Variants in NPHP4 observed in about 807,000 individuals in gnomAD.
The protein encoded by NPHP4 is nephrocystin-4.
Under a neutral mutation model 155.8 loss-of-function variants are expected in NPHP4, and 151 were observed. The ratio of observed to expected loss-of-function variants is 0.97; its 90% CI spans 0.85 to 1.11. The LOEUF (loss-of-function observed/expected upper bound fraction) is 1.11. NPHP4 is among the 50% of genes least tolerant of loss of function. NPHP4 has a pLI of 0.00. For synonymous variants in NPHP4, 845 were observed against 816.8 expected (o/e 1.03, Z -0.59); for missense variants, 1,956 against 1,925.7 (o/e 1.02, Z -0.29).
intron 2 of NPHP4, among the ~76,000 whole-genome samples, chr1:5,978,733 C>T (rs1295861092): frequency 6.6e-6 from 1 of 152,170 alleles, no homozygotes; most frequent in Non-Finnish European, 1.5e-5. Flanking sequence ...CCAGGGCTCC[C>T]AGCAGCCAAC....
At chr1:5,934,480 G>A (rs1341345892) in intron 9 of NPHP4, among the ~76,000 whole-genome samples, 1 of 152,094 alleles carries the variant, frequency 6.6e-6, no homozygotes, top group East Asian at 1.9e-4. Context: ...AGCAGGAGGT[G>A]GTGACTGGAC....
intron 11 of NPHP4, among the ~76,000 whole-genome samples, chr1:5,925,694 C>A (rs943899819): frequency 2.0e-5 from 3 of 152,126 alleles, no homozygotes; most frequent in African/African-American, 7.2e-5. Context: ...CGGCTCACTG[C>A]AAGCTCTGCC....
intron 18 of NPHP4, among the ~76,000 whole-genome samples, chr1:5,883,214 C>A (rs1172380498): frequency 6.6e-6 from 1 of 152,214 alleles, no homozygotes; most frequent in Non-Finnish European, 1.5e-5. Flanking sequence ...ACCAGCCCAG[C>A]CTGCCTGTGC....
chr1:5,978,252 A>T lies in NPHP4; in HGVS notation c.279+18T>A. 6.3e-7 allele frequency: 1 copy of T among 1,598,180 alleles called. No individual in the cohort carries two copies. ...CCTCCGCCTTGGAGCAGCCCCTGCC[A>T]CCATCACCAGGGCCCACCTCATTAA... is the stretch of plus-strand genomic sequence containing the variant. On this transcript the variant is annotated intron_variant, in intron 3 of 29. Coordinates refer to ENST00000378156, the MANE Select transcript of NPHP4 (RefSeq NM_015102.5).
intron 16 of NPHP4, among the ~76,000 whole-genome samples, chr1:5,893,091 C>T (rs538281851): frequency 6.6e-6 from 1 of 152,208 alleles, no homozygotes; most frequent in Admixed American, 6.5e-5. Flanking sequence ...AACGCAGCAC[C>T]CCAGTGACAG....
In NPHP4 at chr1:5,863,935, G is replaced by T. The variant is rs763599698; in HGVS notation, c.4095C>A (p.His1365Gln). ...PYPSRRTFHLHSDHPELLRFR... is the reference protein window; with the variant it reads ...PYPSRRTFHLQSDHPELLRFR... ...ACCGCAGCAGCTCCGGGTGGTCGCT[G>T]TGCAGGTGGAATGTCCTCCGGGAGG... is the stretch of plus-strand genomic sequence containing the variant. The change falls in exon 29 of 30, where the codon CAC becomes CAA. Residue 1365 changes from histidine to glutamine, a missense_variant. By Grantham distance (24) the His-to-Gln change is conservative (BLOSUM62 0). Transcript: ENST00000378156. The T allele has an allele frequency of 1.2e-6, 2 of 1,613,906 alleles. No homozygotes were observed. Among genetic ancestry groups the T allele is most frequent in the Non-Finnish European group, 1.7e-6 (2 of 1,179,844 alleles).
chr1:5,864,731 C>T (rs1047465475), intron 27 of NPHP4: 9 of 548,048 alleles, frequency 1.6e-5, no homozygotes, highest in Non-Finnish European at 2.6e-5. Flanking sequence ...GCGACTATTC[C>T]CTAAGCGCTG....
At chr1:5,878,781 T>C (rs920338201) in intron 19 of NPHP4, among the ~76,000 whole-genome samples, 1 of 151,740 alleles carries the variant, frequency 6.6e-6, no homozygotes, top group African/African-American at 2.4e-5. Context: ...GGAGGCAGGG[T>C]TTTATCAATA....
At chr1:5,879,585 G>C (rs537046644) in intron 19 of NPHP4, 5 of 518,988 alleles carry the variant, frequency 9.6e-6, no homozygotes, top group African/African-American at 3.8e-5. Flanking sequence ...AATGCCACTG[G>C]CAGGGTTCCC....
intron 6 of NPHP4, among the ~76,000 whole-genome samples, chr1:5,960,460 C>T (rs1167148341): frequency 1.3e-5 from 2 of 152,140 alleles, no homozygotes; most frequent in Admixed American, 1.3e-4. Context: ...TGCGCCGGAG[C>T]CGAGCTGCAT....
intron 10 of NPHP4, 142 bp downstream of exon 10, chr1:5,933,005 T>C (rs1646355156): frequency 1.6e-6 from 1 of 620,810 alleles, no homozygotes; most frequent in African/African-American, 1.8e-5. Context: ...ATCATACTAA[T>C]CTTTCTAAAG....
chr1:5,907,717 G>A (rs567930635), intron 12 of NPHP4, among the ~76,000 whole-genome samples: 5 of 152,168 alleles, frequency 3.3e-5, no homozygotes, highest in Admixed American at 1.3e-4. Context: ...TGGAGTGCCC[G>A]CACCAATGTG....
chr1:5,987,191 G>A (rs891697455), intron 1 of NPHP4, among the ~76,000 whole-genome samples: 12 of 152,220 alleles, frequency 7.9e-5, no homozygotes, highest in Admixed American at 3.3e-4. Flanking sequence ...GTCTTGGCCC[G>A]TTTTGAGTGT....
At chr1:5,975,611 A>G (rs1653413407) in intron 3 of NPHP4, among the ~76,000 whole-genome samples, 1 of 152,226 alleles carries the variant, frequency 6.6e-6, no homozygotes, top group African/African-American at 2.4e-5. Flanking sequence ...AGGCTGAGCC[A>G]CGTGGCTCCC....
intron 6 of NPHP4, among the ~76,000 whole-genome samples, chr1:5,958,546 T>G (rs1250903221): frequency 6.6e-6 from 1 of 151,922 alleles, no homozygotes; most frequent in African/African-American, 2.4e-5. Context: ...AATACAAAAA[T>G]TAGCTGGGCA....
At chr1:5,913,151 C>CAA (rs34163161) in intron 11 of NPHP4, among the ~76,000 whole-genome samples, 18 of 81,776 alleles carry the variant, frequency 2.2e-4, no homozygotes, top group African/African-American at 4.3e-4. Context: ...GACTCCATCT[C>CAA]AAAAAAAAAA....
At position 5,877,135 on chromosome 1, in the gene NPHP4, C is replaced by G; in HGVS notation, c.2775G>C (p.Gln925His). 1.3e-6 allele frequency: 2 copies of G among 1,590,942 alleles called. No individual in the cohort carries two copies. Among genetic ancestry groups the G allele is most frequent in the Non-Finnish European group, 1.7e-6 (2 of 1,162,262 alleles). The change falls in exon 20 of 30, where the codon CAG becomes CAC. Residue 925 changes from glutamine to histidine, a missense_variant. Gln to His is a conservative substitution (Grantham distance 24). Coordinates refer to ENST00000378156, the MANE Select transcript of NPHP4 (RefSeq NM_015102.5). Reference sequence around the variant, plus strand: ...GCCGGCCCAAGTCTCCCCCGGCCTCCTGCAGGCGCACAGACCTCATCCGCT... The same window carrying G: ...GCCGGCCCAAGTCTCCCCCGGCCTCGTGCAGGCGCACAGACCTCATCCGCT... ...KLERMRSVRL[Q>H]EAGGDLGRRG...
chr1:5,945,370 C>A (rs1377584148), intron 9 of NPHP4, among the ~76,000 whole-genome samples: 1 of 150,964 alleles, frequency 6.6e-6, no homozygotes, highest in Non-Finnish European at 1.5e-5. Context: ...TATTCACAAA[C>A]AGCTGTATTT....
At chr1:5,888,374 G>A (rs891971549) in intron 17 of NPHP4, 6 of 1,095,448 alleles carry the variant, frequency 5.5e-6, no homozygotes, top group South Asian at 2.2e-5. Context: ...AAGAAGCAGT[G>A]TGGGAGCAGA....
Sources: allele counts gnomAD v4.1 joint callset (sites outside exome capture counted in the v4.1 genomes callset), GRCh38; gene constraint gnomAD v4.1.1; transcripts MANE v1.5; gene names NCBI Gene and HGNC (gene_info 2026-07-23, HGNC 2026-07-21).